Variants in DOCK2 observed in about 807,000 individuals in gnomAD.
DOCK2 encodes the protein dedicator of cytokinesis 2, also known as dedicator of cytokinesis protein 2.
In DOCK2, 87 loss-of-function variants were observed where a neutral mutation model predicts 248.9. The ratio of observed to expected loss-of-function variants is 0.35; its 90% CI spans 0.29 to 0.42. DOCK2 has a LOEUF of 0.42. Among genes scored for constraint, DOCK2 ranks in the 10% least tolerant of loss-of-function variants. The pLI, the probability that DOCK2 is intolerant of heterozygous loss-of-function variation, is 1.00. For missense variants in DOCK2, 1,747 were observed against 2,300.2 expected (o/e 0.76, Z 4.92); for synonymous variants, 805 against 821.6 (o/e 0.98, Z 0.35).
chr5:170,004,442 T>A (rs1490281894), intron 30 of DOCK2, among the ~76,000 whole-genome samples: 1 of 152,214 alleles, frequency 6.6e-6, no homozygotes, highest in East Asian at 1.9e-4. Flanking sequence ...TGAGCATTTT[T>A]TCATGTATTT....
At chr5:169,673,031 A>T (rs1330856941) in intron 5 of DOCK2, among the ~76,000 whole-genome samples, 1 of 152,176 alleles carries the variant, frequency 6.6e-6, no homozygotes, top group African/African-American at 2.4e-5. Context: ...AAGAGTTTTA[A>T]TCAGAGTTTC....
At chr5:169,801,067 G>A (rs1766947748) in intron 25 of DOCK2, among the ~76,000 whole-genome samples, 1 of 144,428 alleles carries the variant, frequency 6.9e-6, no homozygotes, top group African/African-American at 2.6e-5. Context: ...GCTTCTGCCT[G>A]GCTTAAGCTA....
intron 29 of DOCK2, among the ~76,000 whole-genome samples, chr5:169,988,487 GTATTAT>G (rs539416783): frequency 6.6e-6 from 1 of 151,746 alleles, no homozygotes; most frequent in Non-Finnish European, 1.5e-5. Context: ...CTTAATCTCT[GTATTAT>G]TATTATTATT....
At chr5:169,965,943 G>C (rs548092587) in intron 27 of DOCK2, among the ~76,000 whole-genome samples, 4 of 152,288 alleles carry the variant, frequency 2.6e-5, no homozygotes, top group African/African-American at 9.6e-5. Flanking sequence ...CTGGAAAAAG[G>C]CTTCTCCATG....
chr5:169,973,742 G>A (rs1777610007), intron 27 of DOCK2, among the ~76,000 whole-genome samples: 1 of 152,196 alleles, frequency 6.6e-6, no homozygotes. Flanking sequence ...CAGGAGGGGT[G>A]TCCTCAGCCA....
chr5:169,761,464 G>GAGA, intron 24 of DOCK2, 55 bp from the exon 25 acceptor site: 1 of 1,456,410 alleles, frequency 6.9e-7, no homozygotes, highest in Non-Finnish European at 9.6e-7. Context: ...AGTGCTATGA[G>GAGA]CTGGGAGACA....
chr5:170,024,632 T>G (rs577383578), intron 33 of DOCK2, among the ~76,000 whole-genome samples: 21 of 152,310 alleles, frequency 1.4e-4, no homozygotes, highest in African/African-American at 4.8e-4. Context: ...GGAGATGCTA[T>G]TTCAAATCTC....
chr5:170,082,787 T>C lies in DOCK2; in HGVS notation c.5431-9T>C, dbSNP rs756703031. 4 of 1,614,028 alleles carry C rather than the reference T, an allele frequency of 2.5e-6. No individual in the cohort carries two copies. In the Admixed American group the frequency reaches 6.7e-5, roughly 27 times the overall value. On this transcript the variant is annotated splice_polypyrimidine_tract_variant and intron_variant, in intron 51 of 51. Transcript: ENST00000520908. ...ATCTTGGTTTTGTGCTTGTTTATTC[T>C]CTCAAAAGCTGGCCAGCAAATCGGC...
Position 170,082,939 on chromosome 5 carries a change from C to T in DOCK2, c.*81C>T. 1 of 1,576,106 alleles carries T rather than the reference C, an allele frequency of 6.3e-7. No homozygotes were observed. The highest frequency in any genetic ancestry group is 8.7e-7 in the Non-Finnish European group (1 of 1,148,848). On this transcript the variant is annotated 3_prime_UTR_variant, in exon 52 of 52. Transcript: ENST00000520908. Reference sequence around the variant, plus strand: ...GAAAGCCATGCGTGGAACATCGAAGCCTCAGAGAGTGGGAGACTGTCCCCA... The same window carrying T: ...GAAAGCCATGCGTGGAACATCGAAGTCTCAGAGAGTGGGAGACTGTCCCCA...
At chr5:169,810,065 C>G (rs77216319) in intron 26 of DOCK2, among the ~76,000 whole-genome samples, 2 of 152,120 alleles carry the variant, frequency 1.3e-5, no homozygotes, top group Admixed American at 6.5e-5. Context: ...CTCTACCCCC[C>G]GCCCACCCCA....
intron 25 of DOCK2, among the ~76,000 whole-genome samples, chr5:169,798,988 T>A (rs1766813788): frequency 6.6e-6 from 1 of 152,242 alleles, no homozygotes; most frequent in African/African-American, 2.4e-5. Flanking sequence ...GCTTGATTTG[T>A]TTCTTACTAC....
At chr5:170,079,200 A>G (rs867041608) in intron 49 of DOCK2, 54 bp downstream of exon 49, 2 of 1,573,192 alleles carry the variant, frequency 1.3e-6, no homozygotes, top group Non-Finnish European at 8.6e-7. Context: ...TTTCCACTAC[A>G]TGCTGGGCAC....
chr5:169,828,081 G>T (rs1181967788), intron 26 of DOCK2, among the ~76,000 whole-genome samples: 1 of 152,076 alleles, frequency 6.6e-6, no homozygotes, highest in Non-Finnish European at 1.5e-5. Context: ...TAGGTTTCTG[G>T]GGAGGGTTTT....
chr5:170,078,463 C>A (rs1757916653), intron 48 of DOCK2, among the ~76,000 whole-genome samples: 1 of 152,226 alleles, frequency 6.6e-6, no homozygotes, highest in African/African-American at 2.4e-5. Context: ...CCCTGCCCAA[C>A]TCATCTGTTC....
intron 29 of DOCK2, among the ~76,000 whole-genome samples, chr5:169,995,814 G>T (rs1754600856): frequency 6.6e-6 from 1 of 152,198 alleles, no homozygotes; most frequent in African/African-American, 2.4e-5. Context: ...TGGATAGCAT[G>T]AATTTTCTTC....
At chr5:169,902,248 C>T (rs1460934005) in intron 27 of DOCK2, among the ~76,000 whole-genome samples, 2 of 152,190 alleles carry the variant, frequency 1.3e-5, no homozygotes, top group African/African-American at 2.4e-5. Flanking sequence ...GAAAAGCTGT[C>T]ACAGGAGCAA....
chr5:170,079,012 G>T lies in DOCK2; in HGVS notation c.5032G>T (p.Val1678Leu), dbSNP rs1198023082. Reference protein sequence around the residue: ...LELASPKTPRVEQEEPISPGS... With the variant: ...LELASPKTPRLEQEEPISPGS... The stretch of plus-strand genomic sequence containing the variant: ...ATTAGCATCACCCAAGACGCCGAGA[G>T]TGGAGCAGGAGGAACCGATCTCCCC... Residue 1678 changes from valine (V) to leucine (L), a missense_variant, in exon 49 of 52, where the codon GTG becomes TTG. Val to Leu is a conservative substitution (Grantham distance 32). Coordinates refer to ENST00000520908, the MANE Select transcript of DOCK2 (RefSeq NM_004946.3). 6.2e-7 allele frequency: 1 copy of T among 1,614,172 alleles called. No individual in the cohort carries two copies. The highest frequency in any genetic ancestry group is 1.1e-5 in the South Asian group (1 of 91,082).
At chr5:169,787,802 T>C (rs1313042619) in intron 25 of DOCK2, among the ~76,000 whole-genome samples, 2 of 151,162 alleles carry the variant, frequency 1.3e-5, no homozygotes, top group African/African-American at 2.4e-5. Flanking sequence ...CTTTTACCTC[T>C]TCTTTTTTCT....
chr5:169,823,183 C>T (rs1460658381), intron 26 of DOCK2, among the ~76,000 whole-genome samples: 1 of 152,160 alleles, frequency 6.6e-6, no homozygotes, highest in Admixed American at 6.5e-5. Context: ...CCAAATTCTA[C>T]CAGAGGTACA....
Sources: gnomAD v4.1 joint callset for allele counts (sites outside exome capture counted in the v4.1 genomes callset) on GRCh38, gnomAD v4.1.1 for gene constraint, MANE v1.5 for transcripts, NCBI Gene and HGNC (gene_info 2026-07-23, HGNC 2026-07-21) for gene names.